The following MTMR12 variants were observed in gnomAD, a reference collection of about 807,000 sequenced individuals.
MTMR12 encodes the protein myotubularin-related protein 12.
MTMR12 carries 33 observed loss-of-function variants against 96.7 expected under a neutral mutation model. That is an observed-to-expected ratio of 0.34 (90% CI 0.26 to 0.46). The LOEUF is 0.46. MTMR12 is among the 20% of genes least tolerant of loss of function. The pLI is 1.00. For missense variants in MTMR12, 721 were observed against 896.1 expected, an observed-to-expected ratio of 0.80 and a Z score of 2.49; for synonymous variants, 298 against 327.2, an observed-to-expected ratio of 0.91 and a Z score of 0.96.
chr5:32,283,687 A>G (rs1750399908), intron 1 of MTMR12, among the ~76,000 whole-genome samples: 1 of 152,240 alleles, frequency 6.6e-6, no homozygotes, highest in Non-Finnish European at 1.5e-5. Flanking sequence ...AACCAGGTAA[A>G]AGCGAGCAAC....
intron 6 of MTMR12, among the ~76,000 whole-genome samples, chr5:32,266,484 T>TC (rs1256555198): frequency 6.6e-6 from 1 of 150,812 alleles, no homozygotes; most frequent in Non-Finnish European, 1.5e-5. Flanking sequence ...GGTCAGGAGT[T>TC]CGAAATCAGC....
intron 7 of MTMR12, 59 bp from the exon 8 acceptor site, chr5:32,255,827 G>A (rs1749113629): frequency 1.4e-6 from 2 of 1,422,564 alleles, no homozygotes; most frequent in Non-Finnish European, 2.0e-6. Flanking sequence ...AAATATGAAA[G>A]CTCAACTTCA....
intron 8 of MTMR12, among the ~76,000 whole-genome samples, chr5:32,253,904 G>T (rs114020238): frequency 6.6e-6 from 1 of 152,224 alleles, no homozygotes; most frequent in Non-Finnish European, 1.5e-5. Context: ...GATTATAGGC[G>T]TGAGCCACTA....
At chr5:32,306,599 T>C (rs1751376140) in intron 1 of MTMR12, among the ~76,000 whole-genome samples, 1 of 152,216 alleles carries the variant, frequency 6.6e-6, no homozygotes, top group Admixed American at 6.5e-5. Context: ...TCTTCATCTC[T>C]CTTGACTTTT....
At chr5:32,290,762 T>C (rs1750711500) in intron 1 of MTMR12, among the ~76,000 whole-genome samples, 1 of 152,200 alleles carries the variant, frequency 6.6e-6, no homozygotes, top group Non-Finnish European at 1.5e-5. Context: ...TTGGAGCCTT[T>C]GGCAGGCCCC....
intron 10 of MTMR12, 141 bp downstream of exon 10, chr5:32,247,861 C>T (rs1273736572): frequency 2.2e-6 from 3 of 1,371,250 alleles, no homozygotes; most frequent in Non-Finnish European, 2.9e-6. Context: ...GGCAGCCAGA[C>T]CCCTGGCTCC....
chr5:32,233,999 C>T lies in MTMR12; in HGVS notation c.1513-65G>A. The T allele has an allele frequency of 2.0e-6, 3 of 1,518,234 alleles. No individual in the cohort carries two copies. The South Asian group carries it at 3.4e-5, about 17-fold the overall frequency. The allele number at this position is 1,518,234 out of a possible 1,614,324, so 94.0% of individuals were successfully genotyped here. On this transcript the variant is annotated intron_variant, in intron 14 of 15. Coordinates refer to ENST00000382142, the MANE Select transcript of MTMR12 (RefSeq NM_001040446.3). The surrounding 1 kb of genome is among the most constrained non-coding windows in gnomAD (Gnocchi z 5.0). ...GGCTGAGGAAGGCAAACACATACTT[C>T]TGGACACAGGCACCAGGAAGCATGC...
intron 8 of MTMR12, among the ~76,000 whole-genome samples, chr5:32,253,355 G>A (rs151241404): frequency 1.3e-5 from 2 of 152,136 alleles, no homozygotes; most frequent in Non-Finnish European, 2.9e-5. Flanking sequence ...TAATTTCACC[G>A]ATTCCAAATA....
At chr5:32,249,001 T>C (rs1463554337) in intron 8 of MTMR12, 123 bp from the exon 9 acceptor site, 1 of 709,382 alleles carries the variant, frequency 1.4e-6, no homozygotes. Flanking sequence ...CTGGACATAC[T>C]TAACTTTATT....
At chr5:32,242,203 G>T in intron 11 of MTMR12, 76 bp from the exon 12 acceptor site, 1 of 1,019,842 alleles carries the variant, frequency 9.8e-7, no homozygotes, top group Non-Finnish European at 1.5e-6. Context: ...AGTTGAGAGA[G>T]AGTCTGACTT....
chr5:32,261,488 C>T (rs1749358153), intron 7 of MTMR12, among the ~76,000 whole-genome samples: 2 of 152,142 alleles, frequency 1.3e-5, no homozygotes, highest in African/African-American at 4.8e-5. Context: ...CCATGCAAAA[C>T]CTTACTTCCA....
At chr5:32,297,016 T>C (rs967772183) in intron 1 of MTMR12, among the ~76,000 whole-genome samples, 1 of 149,634 alleles carries the variant, frequency 6.7e-6, no homozygotes, top group African/African-American at 2.5e-5. Flanking sequence ...GGCAGGAGAA[T>C]GGTGTGAACC....
At chr5:32,272,017 T>G in intron 3 of MTMR12, 112 bp from the exon 4 acceptor site, 1 of 590,412 alleles carries the variant, frequency 1.7e-6, no homozygotes, top group Non-Finnish European at 2.8e-6. Flanking sequence ...GGGGGCCGGG[T>G]GCAGTGGCTC....
chr5:32,305,996 T>C (rs1349465332), intron 1 of MTMR12, among the ~76,000 whole-genome samples: 2 of 151,936 alleles, frequency 1.3e-5, no homozygotes, highest in African/African-American at 2.4e-5. Flanking sequence ...GCTCTAGAGA[T>C]GAAAACAACC....
rs376115444 is a variant in MTMR12 at position 32,240,182 on chromosome 5, C to T, written c.1172-1009G>A. 1.4e-3 allele frequency among the ~76,000 whole-genome samples: 209 copies of T among 152,114 alleles called. 1 individual carries two copies. The South Asian group carries it at 0.027, about 20-fold the overall frequency. The stretch of plus-strand genomic sequence containing the variant: ...TTGGGAGGCCGAGGCGGGTGGATCA[C>T]GATGTCAGGAGTTCGAGACCAGTCT... On this transcript the variant is annotated intron_variant, in intron 12 of 15. Coordinates refer to ENST00000382142, the MANE Select transcript of MTMR12 (RefSeq NM_001040446.3).
intron 8 of MTMR12, among the ~76,000 whole-genome samples, chr5:32,249,279 C>T (rs1048520085): frequency 3.9e-5 from 6 of 152,072 alleles, no homozygotes; most frequent in African/African-American, 9.7e-5. Flanking sequence ...GATTATTTAT[C>T]CCCCTTAACA....
chr5:32,278,669 C>T (rs1008127753), intron 1 of MTMR12, among the ~76,000 whole-genome samples: 29 of 152,324 alleles, frequency 1.9e-4, no homozygotes, highest in Admixed American at 8.5e-4. Context: ...TGCAGGGATG[C>T]AGGCTGGCTC....
intron 7 of MTMR12, among the ~76,000 whole-genome samples, chr5:32,262,000 A>G (rs1749378313): frequency 6.6e-6 from 1 of 152,062 alleles, no homozygotes; most frequent in African/African-American, 2.4e-5. Context: ...TGAACCCAGG[A>G]GGCGGAGCTT....
chr5:32,264,500 G>A (rs1430066203), intron 6 of MTMR12, among the ~76,000 whole-genome samples: 1 of 148,474 alleles, frequency 6.7e-6, no homozygotes, highest in Non-Finnish European at 1.5e-5. Flanking sequence ...TCGCTCTTTC[G>A]CCCAGGCTGG....
Sources: gnomAD v4.1 joint callset for allele counts (sites outside exome capture counted in the v4.1 genomes callset) on GRCh38, gnomAD v4.1.1 for gene constraint, Gnocchi (gnomAD v3.1) non-coding constraint, MANE v1.5 for transcripts, NCBI Gene and HGNC (gene_info 2026-07-23, HGNC 2026-07-21) for gene names.